TCF4: variants seen among roughly 807,000 people sequenced by gnomAD.
TCF4 encodes the protein SL3-3 enhancer factor 2.
A neutral mutation model predicts 82.1 loss-of-function variants in TCF4; 3 were observed. The observed-to-expected ratio is 0.04, with a 90% CI of 0.02 to 0.09. The LOEUF (loss-of-function observed/expected upper bound fraction) is 0.09. Among genes scored for constraint, TCF4 ranks in the 10% least tolerant of loss-of-function variants. The probability of loss-of-function intolerance (pLI) is 1.00; values close to 1 mark genes in which losing one functional copy is unlikely to be tolerated. For missense variants in TCF4, 518 were observed against 852.7 expected (o/e 0.61, Z 4.89); for synonymous variants, 276 against 309.6 (o/e 0.89, Z 1.14).
At chr18:55,277,869 C>A (rs2061764914) in intron 9 of TCF4, among the ~76,000 whole-genome samples, 1 of 152,192 alleles carries the variant, frequency 6.6e-6, no homozygotes, top group South Asian at 2.1e-4. Flanking sequence ...ATATCTCCCA[C>A]TGCTCACAAA....
At chr18:55,351,080 C>G in intron 6 of TCF4, 77 bp from the exon 7 acceptor site, 1 of 1,580,338 alleles carries the variant, frequency 6.3e-7, no homozygotes, top group South Asian at 1.1e-5. Flanking sequence ...ATTGTTAGTA[C>G]TTAAACCAAT....
chr18:55,263,044 A>G (rs950400555), intron 11 of TCF4, among the ~76,000 whole-genome samples: 1 of 152,024 alleles, frequency 6.6e-6, no homozygotes, highest in Admixed American at 6.6e-5. Flanking sequence ...GACTTCATGA[A>G]CCACCCACCT....
intron 8 of TCF4, among the ~76,000 whole-genome samples, chr18:55,344,633 G>A (rs577099870): frequency 2.0e-5 from 3 of 152,140 alleles, no homozygotes; most frequent in Admixed American, 6.6e-5. Flanking sequence ...ACATCTTAAC[G>A]AAAGTCCTGA....
chr18:55,365,155 A>AC, intron 6 of TCF4, among the ~76,000 whole-genome samples: 1 of 72,394 alleles, frequency 1.4e-5, no homozygotes, highest in Non-Finnish European at 2.3e-5. Context: ...TCCATCTCCA[A>AC]AATATATATA....
At chr18:55,458,984 T>G (rs1311987940) in intron 5 of TCF4, among the ~76,000 whole-genome samples, 3 of 152,120 alleles carry the variant, frequency 2.0e-5, no homozygotes. Context: ...AGGTGGAAAA[T>G]GTAGCAGTTT....
intron 5 of TCF4, among the ~76,000 whole-genome samples, chr18:55,420,337 A>C (rs969391586): frequency 1.3e-5 from 2 of 152,208 alleles, no homozygotes; most frequent in Admixed American, 1.3e-4. Flanking sequence ...ATTCAAAACT[A>C]ACTTGTCAAC....
chr18:55,634,664 G>A (rs2097734580), intron 1 of TCF4, among the ~76,000 whole-genome samples: 1 of 152,088 alleles, frequency 6.6e-6, no homozygotes, highest in African/African-American at 2.4e-5. Flanking sequence ...TCACATGATT[G>A]CAATTTTATC....
chr18:55,617,177 C>T (rs1304738235), intron 2 of TCF4, among the ~76,000 whole-genome samples: 1 of 152,106 alleles, frequency 6.6e-6, no homozygotes, highest in African/African-American at 2.4e-5. Context: ...GTTTTCTCGA[C>T]ATCATTTGTT....
At chr18:55,587,188 G>T in intron 1 of TCF4, 52 bp from the exon 2 acceptor site, 1 of 947,914 alleles carries the variant, frequency 1.1e-6, no homozygotes, top group Non-Finnish European at 1.3e-6. Context: ...AATCCTTGGA[G>T]AAAACACAAT....
chr18:55,401,234 T>C, intron 6 of TCF4: 7 of 1,190,514 alleles, frequency 5.9e-6, no homozygotes, highest in Non-Finnish European at 7.4e-6. Flanking sequence ...TCATCTTCAG[T>C]CCCTATTTTC....
intron 3 of TCF4, among the ~76,000 whole-genome samples, chr18:55,521,538 C>T (rs1479703368): frequency 6.6e-6 from 1 of 152,162 alleles, no homozygotes; most frequent in East Asian, 1.9e-4. Flanking sequence ...CCAAGAAAAT[C>T]ACACCAGAAC....
At chr18:55,500,559 G>A (rs1317970789) in intron 3 of TCF4, among the ~76,000 whole-genome samples, 1 of 152,110 alleles carries the variant, frequency 6.6e-6, no homozygotes, top group African/African-American at 2.4e-5. Flanking sequence ...TTTTCTGTCT[G>A]AATATGTTAA....
chr18:55,355,487 G>A (rs1456491472), intron 6 of TCF4, among the ~76,000 whole-genome samples: 1 of 152,094 alleles, frequency 6.6e-6, no homozygotes. Flanking sequence ...GTAGCAGGAG[G>A]GGGGCGATAA....
At chr18:55,499,865 A>C (rs904062302) in intron 3 of TCF4, among the ~76,000 whole-genome samples, 2 of 152,230 alleles carry the variant, frequency 1.3e-5, no homozygotes, top group Admixed American at 1.3e-4. Flanking sequence ...GCCCAAAAAA[A>C]TGAGGTTCAG....
intron 17 of TCF4, chr18:55,230,554 C>CATCAGT (rs1018918533): frequency 1.3e-5 from 2 of 152,150 alleles, no homozygotes. Flanking sequence ...CTTCACTGAA[C>CATCAGT]ATCAGTAGAC....
At chr18:55,611,601 T>C (rs997021188) in intron 2 of TCF4, among the ~76,000 whole-genome samples, 1 of 152,226 alleles carries the variant, frequency 6.6e-6, no homozygotes, top group Non-Finnish European at 1.5e-5. Context: ...ATCAGTGCTT[T>C]CTGACAGAAA....
At chr18:55,588,378 AT>A, upstream of TCF4, 1 of 1,527,138 alleles carries the variant, frequency 6.5e-7, no homozygotes, top group Non-Finnish European at 8.7e-7. Flanking sequence ...GCTAGGATGC[AT>A]CCCCCTCGCA....
chr18:55,240,614 A>G (rs2050914278), intron 15 of TCF4, among the ~76,000 whole-genome samples: 1 of 152,250 alleles, frequency 6.6e-6, no homozygotes, highest in African/African-American at 2.4e-5. Flanking sequence ...TGGCAGCAGT[A>G]GATAGATACT....
At chr18:55,283,842 C>T (rs1360809170) in intron 8 of TCF4, among the ~76,000 whole-genome samples, 3 of 152,144 alleles carry the variant, frequency 2.0e-5, no homozygotes, top group African/African-American at 4.8e-5. Context: ...AAACATCAGA[C>T]ATTAGTGCTG....
Sources: allele counts gnomAD v4.1 joint callset (sites outside exome capture counted in the v4.1 genomes callset), GRCh38; gene constraint gnomAD v4.1.1; transcripts MANE v1.5; gene names NCBI Gene and HGNC (gene_info 2026-07-23, HGNC 2026-07-21).